CAMKMT: variants seen among roughly 807,000 people sequenced by gnomAD.
The protein encoded by CAMKMT is calmodulin-lysine N-methyltransferase, also known as CaM KMT.
CAMKMT carries 53 observed loss-of-function variants against 48.0 expected under a neutral mutation model. The observed-to-expected ratio is 1.10, with a 90% CI of 0.89 to 1.39. CAMKMT has a LOEUF of 1.39. CAMKMT is among the 40% of genes most tolerant of loss of function. The pLI is 0.00. For synonymous variants in CAMKMT, 165 were observed against 152.3 expected, an observed-to-expected ratio of 1.08 and a Z score of -0.61; for missense variants, 428 against 402.7, an observed-to-expected ratio of 1.06 and a Z score of -0.54.
At position 44,372,712 on chromosome 2, in the gene CAMKMT, A is replaced by G. The variant is rs755989682; in HGVS notation, c.139-4A>G. On this transcript the variant is annotated splice_polypyrimidine_tract_variant and splice_region_variant and intron_variant, in intron 1 of 10. Transcript: ENST00000378494. ...TGACTGCAATATTTGGCTTTATTTC[A>G]AAGGTTCTGAAGCAAAAACACCTGG... is the stretch of plus-strand genomic sequence containing the variant. 6.2e-7 allele frequency: 1 copy of G among 1,607,680 alleles called. No individual in the cohort carries two copies. The highest frequency in any genetic ancestry group is 8.5e-7 in the Non-Finnish European group (1 of 1,177,872).
intron 9 of CAMKMT, among the ~76,000 whole-genome samples, chr2:44,759,129 AT>A (rs200826340): frequency 6.6e-6 from 1 of 152,190 alleles, no homozygotes; most frequent in Non-Finnish European, 1.5e-5. Context: ...TATAAAAGCA[AT>A]TTTTTGGGGG....
chr2:44,549,899 T>C (rs1037556811), intron 3 of CAMKMT: 1 of 311,904 alleles, frequency 3.2e-6, no homozygotes, highest in Non-Finnish European at 5.8e-6. Context: ...TCTTTATCCA[T>C]CCTTCCGTCA....
At chr2:44,382,483 C>CTT (rs1180515860) in intron 2 of CAMKMT, among the ~76,000 whole-genome samples, 3 of 140,178 alleles carry the variant, frequency 2.1e-5, no homozygotes, top group African/African-American at 2.6e-5. Flanking sequence ...TTTTCTTTTT[C>CTT]TTTTTTTTTT....
At chr2:44,670,262 A>G (rs916168153) in intron 3 of CAMKMT, among the ~76,000 whole-genome samples, 1 of 152,152 alleles carries the variant, frequency 6.6e-6, no homozygotes, top group Non-Finnish European at 1.5e-5. Context: ...AAACTATTCC[A>G]TGTGGTTCCT....
chr2:44,732,836 A>G (rs1442715187), intron 7 of CAMKMT, among the ~76,000 whole-genome samples: 1 of 152,170 alleles, frequency 6.6e-6, no homozygotes, highest in Non-Finnish European at 1.5e-5. Context: ...CTTATATCAG[A>G]TACTATATAT....
chr2:44,667,946 G>A (rs1675096244), intron 3 of CAMKMT, among the ~76,000 whole-genome samples: 1 of 152,098 alleles, frequency 6.6e-6, no homozygotes, highest in Non-Finnish European at 1.5e-5. Context: ...TCGACACTCA[G>A]CCTCTATGCC....
At chr2:44,750,768 A>G (rs1221635436) in intron 8 of CAMKMT, among the ~76,000 whole-genome samples, 1 of 152,112 alleles carries the variant, frequency 6.6e-6, no homozygotes, top group East Asian at 1.9e-4. Flanking sequence ...AATCCCAACA[A>G]TTTGGGAGAC....
chr2:44,481,049 A>G (rs1355039160), intron 3 of CAMKMT, among the ~76,000 whole-genome samples: 1 of 152,014 alleles, frequency 6.6e-6, no homozygotes. Context: ...ATTCAATAGT[A>G]TGTTCAGAAT....
intron 9 of CAMKMT, among the ~76,000 whole-genome samples, chr2:44,764,035 T>C (rs555451545): frequency 1.5e-4 from 23 of 152,158 alleles, no homozygotes; most frequent in Non-Finnish European, 2.5e-4. Flanking sequence ...CTGTTGTTTT[T>C]TTTTTTCTAA....
At position 44,721,704 on chromosome 2, in the gene CAMKMT, T is replaced by C. The variant is rs557299702; in HGVS notation, c.623+6351T>C. On this transcript the variant is annotated intron_variant, in intron 7 of 10. Coordinates refer to ENST00000378494, the MANE Select transcript of CAMKMT (RefSeq NM_024766.5). Reference sequence around the variant, plus strand: ...CTCATACTTGGCCAGATGTGCTGGTTCACACCTATAATCCCAGCACTTTGG... The same window carrying C: ...CTCATACTTGGCCAGATGTGCTGGTCCACACCTATAATCCCAGCACTTTGG... 8.5e-4 allele frequency among the ~76,000 whole-genome samples: 130 copies of C among 152,304 alleles called. 2 individuals are homozygous for C. In the South Asian group the frequency reaches 0.026, roughly 30 times the overall value.
chr2:44,568,255 C>A (rs1221949045), intron 3 of CAMKMT, among the ~76,000 whole-genome samples: 1 of 152,108 alleles, frequency 6.6e-6, no homozygotes, highest in African/African-American at 2.4e-5. Context: ...CAAATGGGAC[C>A]CTACTTTCAT....
chr2:44,382,483 C>CTTTTTT (rs1180515860), intron 2 of CAMKMT, among the ~76,000 whole-genome samples: 5 of 140,150 alleles, frequency 3.6e-5, no homozygotes, highest in Admixed American at 7.1e-5. Flanking sequence ...TTTTCTTTTT[C>CTTTTTT]TTTTTTTTTT....
At chr2:44,688,684 G>A (rs934263074) in intron 3 of CAMKMT, among the ~76,000 whole-genome samples, 4 of 152,114 alleles carry the variant, frequency 2.6e-5, no homozygotes, top group Non-Finnish European at 5.9e-5. Flanking sequence ...AATTCCTGCT[G>A]TTAGAAGGGG....
intron 3 of CAMKMT, among the ~76,000 whole-genome samples, chr2:44,464,006 T>C (rs1305038168): frequency 6.6e-6 from 1 of 152,124 alleles, no homozygotes; most frequent in East Asian, 1.9e-4. Flanking sequence ...GAAACAGAGA[T>C]CTATTAGTTA....
Position 44,646,536 on chromosome 2 carries a change from G to A in CAMKMT, c.377-57747G>A, listed in dbSNP as rs553904172. On this transcript the variant is annotated intron_variant, in intron 3 of 10. Transcript: ENST00000378494. Reference sequence around the variant, plus strand: ...TAGTAGATTATTTCAAATCTTCACTGCCTAGATGTGCGAAGTCCTGTCAGA... The same window carrying A: ...TAGTAGATTATTTCAAATCTTCACTACCTAGATGTGCGAAGTCCTGTCAGA... Among the ~76,000 whole-genome samples the A allele has an allele frequency of 2.0e-5, 3 of 152,174 alleles. No individual in the cohort carries two copies. In the South Asian group the frequency reaches 6.2e-4, roughly 32 times the overall value.
intron 7 of CAMKMT, among the ~76,000 whole-genome samples, chr2:44,742,886 A>G (rs1295766883): frequency 5.3e-5 from 8 of 152,236 alleles, no homozygotes; most frequent in Non-Finnish European, 1.2e-4. Context: ...ATAGTACTGT[A>G]AATCACAGTT....
intron 9 of CAMKMT, among the ~76,000 whole-genome samples, chr2:44,761,991 T>C (rs1680641063): frequency 6.6e-6 from 1 of 152,216 alleles, no homozygotes; most frequent in Non-Finnish European, 1.5e-5. Flanking sequence ...TTGGGAGTTA[T>C]TGGTCTATAA....
At chr2:44,741,902 A>G (rs748694976) in intron 7 of CAMKMT, among the ~76,000 whole-genome samples, 1 of 152,220 alleles carries the variant, frequency 6.6e-6, no homozygotes, top group Non-Finnish European at 1.5e-5. Context: ...TAGTAATTGC[A>G]TATGTATTAA....
intron 3 of CAMKMT, among the ~76,000 whole-genome samples, chr2:44,527,393 A>ACGTATAATATAT (rs1666195590): frequency 7.1e-6 from 1 of 140,048 alleles, no homozygotes; most frequent in Non-Finnish European, 1.5e-5. Context: ...TATATAATAT[A>ACGTATAATATAT]TATGTATATA....
Sources: allele counts gnomAD v4.1 joint callset (sites outside exome capture counted in the v4.1 genomes callset), GRCh38; gene constraint gnomAD v4.1.1; transcripts MANE v1.5; gene names NCBI Gene and HGNC (gene_info 2026-07-23, HGNC 2026-07-21).